The following VSIG8 variants were observed in gnomAD, a reference collection of about 807,000 sequenced individuals.
The protein encoded by VSIG8 is V-set and immunoglobulin domain containing 8, also known as V-set and immunoglobulin domain-containing protein 8.
VSIG8 carries 32 observed loss-of-function variants against 42.6 expected under a neutral mutation model. That is an observed-to-expected ratio of 0.75 (90% CI 0.57 to 1.01). VSIG8 has a LOEUF of 1.01. VSIG8 is among the 50% of genes least tolerant of loss of function. VSIG8 has a pLI of 0.00. For synonymous variants in VSIG8, 290 were observed against 243.8 expected, an observed-to-expected ratio of 1.19 and a Z score of -1.77; for missense variants, 529 against 558.0, an observed-to-expected ratio of 0.95 and a Z score of 0.52.
Position 159,854,718 on chromosome 1 carries a change from C to A in VSIG8, c.*35G>T. On this transcript the variant is annotated 3_prime_UTR_variant, in exon 7 of 7. Coordinates refer to ENST00000368100, the MANE Select transcript of VSIG8 (RefSeq NM_001013661.1). ...CAGACAGAGAGCCCCGCGCCCTCCTCCTGGCTGGGGCGCAGCCCGGCCCGG... is the reference window on the plus strand; with the variant it reads ...CAGACAGAGAGCCCCGCGCCCTCCTACTGGCTGGGGCGCAGCCCGGCCCGG... 1 of 1,432,908 alleles carries A rather than the reference C, an allele frequency of 7.0e-7. No individual in the cohort carries two copies. Among genetic ancestry groups the A allele is most frequent in the Non-Finnish European group, 9.1e-7 (1 of 1,101,692 alleles). 88.8% of individuals were successfully genotyped at this position (1,432,908 alleles called of 1,614,324 possible). A position where few individuals can be genotyped will look rare whatever the true frequency, so the allele number is the denominator to read the frequency against.
At position 159,862,508 on chromosome 1, in the gene VSIG8, C is replaced by T. The variant is rs1372828919; in HGVS notation, c.14G>A (p.Gly5Glu). The part of the protein sequence containing the change: MRVG[G>E]AFHLLLVCLS... The stretch of plus-strand genomic sequence containing the variant: ...GCACACGAGTAGAAGGTGGAATGCT[C>T]CTCCAACTCTCATGTCTCTAGGCTC... The change falls in exon 1 of 7, where the codon GGA becomes GAA. Residue 5 changes from glycine to glutamate, a missense_variant. Gly to Glu is a moderately conservative substitution (Grantham distance 98). Coordinates refer to ENST00000368100, the MANE Select transcript of VSIG8 (RefSeq NM_001013661.1). 1.2e-6 allele frequency: 2 copies of T among 1,613,220 alleles called. No individual in the cohort carries two copies. Among genetic ancestry groups the T allele is most frequent in the African/African-American group, 1.3e-5 (1 of 74,892 alleles).
At position 159,855,986 on chromosome 1, in the gene VSIG8, A is replaced by G; in HGVS notation, c.868T>C (p.Cys290Arg). Reference sequence around the variant, plus strand: ...CCGCCAGCCCCGGAGCCCCCGCAGCAGCAGCAGACGAGCCCCCAGATGCCT... The same window carrying G: ...CCGCCAGCCCCGGAGCCCCCGCAGCGGCAGCAGACGAGCCCCCAGATGCCT... ...AVGIWGLVCC[C>R]CGGSGAGGAR... is the part of the protein sequence containing the mutation. Residue 290 changes from cysteine (C) to arginine (R), a missense_variant, in exon 6 of 7, where the codon TGC (cysteine) becomes CGC (arginine). Physicochemically the swap from Cys to Arg is radical, Grantham distance 180. Transcript: ENST00000368100. 2 of 1,604,762 alleles carry G rather than the reference A, an allele frequency of 1.2e-6. No homozygotes were observed. Among genetic ancestry groups the G allele is most frequent in the South Asian group, 2.2e-5 (2 of 89,858 alleles).
chr1:159,858,136 C>T lies in VSIG8; in HGVS notation c.384G>A (p.Val128=). The change falls in exon 3 of 7, where the codon GTG becomes GTA. Residue 128 remains valine, a synonymous_variant. Transcript: ENST00000368100. ...VSDTATYECR[V]KKTTMATRKV... The stretch of plus-strand genomic sequence containing the variant: ...TCCGGGTGGCCATGGTGGTCTTCTT[C>T]ACCCGGCACTCATAAGTGGCTGTAT... 1 of 1,614,202 alleles carries T rather than the reference C, an allele frequency of 6.2e-7. No homozygotes were observed. The highest frequency in any genetic ancestry group is 1.3e-5 in the African/African-American group (1 of 75,052).
intron 1 of VSIG8, among the ~76,000 whole-genome samples, chr1:159,859,359 G>A (rs922082016): frequency 6.6e-6 from 1 of 152,210 alleles, no homozygotes; most frequent in African/African-American, 2.4e-5. Context: ...TCTGATAGAA[G>A]AGCCTGGCTG....
intron 6 of VSIG8, 40 bp downstream of exon 6, chr1:159,855,843 C>G: frequency 6.6e-7 from 1 of 1,508,240 alleles, no homozygotes; most frequent in Non-Finnish European, 8.8e-7. Flanking sequence ...GGCGCCGGTT[C>G]CCTGCCGCAC....
At chr1:159,856,254 C>T (rs550312625) in intron 5 of VSIG8, 173 bp from the exon 6 acceptor site, 6 of 771,258 alleles carry the variant, frequency 7.8e-6, no homozygotes, top group Non-Finnish European at 1.2e-5. Flanking sequence ...GCAAGTTAAC[C>T]CCTCGTGTCA....
chr1:159,857,881 G>A lies in VSIG8; in HGVS notation c.516C>T (p.Gly172=), dbSNP rs750153493. The change falls in exon 4 of 7, where the codon GGC becomes GGT. Residue 172 remains glycine (G), a synonymous_variant. Transcript: ENST00000368100. ...DVVLKCYASG[G]SQPLSYKWAK... ...CCCACTTGTAGGAGAGGGGCTGGGAGCCCCCACTGGCATAGCACTTCAGCA... is the reference window on the plus strand; with the variant it reads ...CCCACTTGTAGGAGAGGGGCTGGGAACCCCCACTGGCATAGCACTTCAGCA... The A allele has an allele frequency of 6.2e-6, 10 of 1,614,108 alleles. No homozygotes were observed. The highest frequency in any genetic ancestry group is 2.7e-5 in the African/African-American group (2 of 74,944).
intron 1 of VSIG8, chr1:159,860,984 T>C (rs1461364365): frequency 6.6e-6 from 1 of 152,296 alleles, no homozygotes; most frequent in African/African-American, 2.4e-5. Context: ...TTAGAAGTCT[T>C]CTCAACCTCC....
chr1:159,862,649 G>T lies in VSIG8; in HGVS notation c.-128C>A. 2 of 809,470 alleles carry T rather than the reference G, an allele frequency of 2.5e-6. No individual in the cohort carries two copies. Among genetic ancestry groups the T allele is most frequent in the East Asian group, 2.7e-5 (1 of 37,524 alleles). 50.1% of individuals were successfully genotyped at this position (809,470 alleles called of 1,614,324 possible). A position where few individuals can be genotyped will look rare whatever the true frequency, so the allele number is the denominator to read the frequency against. On this transcript the variant is annotated 5_prime_UTR_variant, in exon 1 of 7. Transcript: ENST00000368100. ...ACACTGCCTGGGGTGGCAGGAAGGT[G>T]CAATGAGTGCCCAGCTGGGGAGCAG...
intron 2 of VSIG8, 122 bp from the exon 3 acceptor site, chr1:159,858,413 G>A (rs1215558798): frequency 1.5e-5 from 15 of 1,007,128 alleles, no homozygotes; most frequent in Non-Finnish European, 2.2e-5. Context: ...GAAAAAATGA[G>A]AATAATGATG....
At chr1:159,858,317 G>A in intron 2 of VSIG8, 26 bp from the exon 3 acceptor site, 1 of 1,613,516 alleles carries the variant, frequency 6.2e-7, no homozygotes, top group South Asian at 1.1e-5. Flanking sequence ...GAAAACAGGT[G>A]GTGAAACAGG....
intron 4 of VSIG8, 87 bp from the exon 5 acceptor site, chr1:159,856,730 C>G: frequency 6.5e-7 from 1 of 1,547,840 alleles, no homozygotes. Context: ...GACACCCACT[C>G]TAGAAGAAGG....
Position 159,854,470 on chromosome 1 carries a change from A to T in VSIG8, c.*283T>A. ...CCAGGCCTCCGGCCTCAGCCGCTCTAGGACACTCAGCCTCCTCCTCCCTCC... is the reference window on the plus strand; with the variant it reads ...CCAGGCCTCCGGCCTCAGCCGCTCTTGGACACTCAGCCTCCTCCTCCCTCC... On this transcript the variant is annotated 3_prime_UTR_variant, in exon 7 of 7. Transcript: ENST00000368100. 1 of 508,360 alleles carries T rather than the reference A, an allele frequency of 2.0e-6. No homozygotes were observed. The highest frequency in any genetic ancestry group is 3.1e-6 in the Non-Finnish European group (1 of 325,932). 31.5% of individuals were successfully genotyped at this position (508,360 alleles called of 1,614,324 possible). A position where few individuals can be genotyped will look rare whatever the true frequency, so the allele number is the denominator to read the frequency against.
intron 6 of VSIG8, chr1:159,855,390 T>G (rs1648782408): frequency 7.0e-7 from 1 of 1,427,998 alleles, no homozygotes; most frequent in Admixed American, 2.8e-5. Flanking sequence ...GCTCGAGCAA[T>G]CTCTCTCTTT....
chr1:159,858,274 G>A lies in VSIG8; in HGVS notation c.246C>T (p.Asp82=). ...GAAGGCTGCCATGGTTGATCCTCTT[G>A]TCCTGGTAACTAAGGAACTGTGAAG... ...HRENVFLSYQ[D]KRINHGSLPH... The change falls in exon 3 of 7, where the codon GAC becomes GAT. Residue 82 remains aspartate (D), a synonymous_variant. Coordinates refer to ENST00000368100, the MANE Select transcript of VSIG8 (RefSeq NM_001013661.1). 6.2e-7 allele frequency: 1 copy of A among 1,614,204 alleles called. No individual in the cohort carries two copies. Among genetic ancestry groups the A allele is most frequent in the Non-Finnish European group, 8.5e-7 (1 of 1,180,032 alleles).
intron 5 of VSIG8, 28 bp from the exon 6 acceptor site, chr1:159,856,109 G>A (rs1482710479): frequency 6.3e-7 from 1 of 1,596,644 alleles, no homozygotes; most frequent in Admixed American, 1.7e-5. Flanking sequence ...GGCAGGTCAG[G>A]CTTTCTCACA....
chr1:159,857,499 C>T (rs369319692), intron 4 of VSIG8, among the ~76,000 whole-genome samples: 143 of 150,292 alleles, frequency 9.5e-4, no homozygotes, highest in African/African-American at 3.2e-3. Context: ...CGCTTGAACC[C>T]GGGAGGCAGA....
chr1:159,855,916 C>G lies in VSIG8; in HGVS notation c.938G>C (p.Gly313Ala), dbSNP rs981844023. The G allele has an allele frequency of 6.4e-7, 1 of 1,555,746 alleles. No individual in the cohort carries two copies. The highest frequency in any genetic ancestry group is 8.7e-7 in the Non-Finnish European group (1 of 1,151,984). The change falls in exon 6 of 7, where the codon GGA (glycine) becomes GCA (alanine). Residue 313 changes from glycine to alanine, a missense_variant. Gly to Ala is a moderately conservative substitution (Grantham distance 60, BLOSUM62 0). Transcript: ENST00000368100. ...ACTAGCCAAGTCGCCGCAGGCCCCT[C>G]CGCCGACCCCGCCGCCGTTGCCGTA... ...FGYGNGGGVG[G>A]GACGDLASEI...
intron 1 of VSIG8, chr1:159,861,866 T>C (rs1170842315): frequency 6.6e-6 from 1 of 152,312 alleles, no homozygotes; most frequent in East Asian, 1.9e-4. Context: ...TCAGGCCTCA[T>C]CCTAGAGTGG....
Sources: allele counts gnomAD v4.1 joint callset (sites outside exome capture counted in the v4.1 genomes callset), GRCh38; gene constraint gnomAD v4.1.1; transcripts MANE v1.5; gene names NCBI Gene and HGNC (gene_info 2026-07-23, HGNC 2026-07-21).